The following ALMS1 variants were observed in gnomAD, a reference collection of about 807,000 sequenced individuals.
ALMS1 encodes ALMS1 centrosome and basal body associated protein, also known as centrosome-associated protein ALMS1.
A neutral mutation model predicts 352.2 loss-of-function variants in ALMS1; 271 were observed. The observed-to-expected ratio is 0.77, with a 90% CI of 0.70 to 0.85. The LOEUF (loss-of-function observed/expected upper bound fraction) is 0.85, where lower values mean the gene tolerates loss of function less well. Ranked by LOEUF, ALMS1 falls within the 40% of genes least tolerant of loss-of-function variation. The pLI, the probability that ALMS1 is intolerant of heterozygous loss-of-function variation, is 0.00. For missense variants in ALMS1, 5,445 were observed against 4,870.7 expected (o/e 1.12, Z -3.51); for synonymous variants, 1,865 against 1,761.2 (o/e 1.06, Z -1.48).
At chr2:73,432,431 T>TAAAGAGAC in intron 7 of ALMS1, 140 bp downstream of exon 7, 1 of 634,638 alleles carries the variant, frequency 1.6e-6, no homozygotes, top group Non-Finnish European at 2.8e-6. Flanking sequence ...AAATCCTGTC[T>TAAAGAGAC]TAGTCTCTTT....
At chr2:73,439,345 C>G (rs573622994) in intron 7 of ALMS1, among the ~76,000 whole-genome samples, 1 of 151,792 alleles carries the variant, frequency 6.6e-6, no homozygotes, top group Non-Finnish European at 1.5e-5. Context: ...CAGCTCCTGG[C>G]CTTTCAAAGC....
chr2:73,522,034 C>T (rs1365524650), intron 11 of ALMS1, among the ~76,000 whole-genome samples: 1 of 149,746 alleles, frequency 6.7e-6, no homozygotes, highest in Non-Finnish European at 1.5e-5. Context: ...CTCTACCCCT[C>T]TCCAGTGCTT....
At chr2:73,439,525 A>T (rs1431609101) in intron 7 of ALMS1, among the ~76,000 whole-genome samples, 1 of 152,100 alleles carries the variant, frequency 6.6e-6, no homozygotes, top group African/African-American at 2.4e-5. Context: ...CTGTCTGCTA[A>T]TATCTGTATT....
chr2:73,587,859 T>C (rs1675343727), intron 16 of ALMS1, among the ~76,000 whole-genome samples: 1 of 152,150 alleles, frequency 6.6e-6, no homozygotes, highest in African/African-American at 2.4e-5. Flanking sequence ...ACCACAGAAA[T>C]ACAAAAGATC....
intron 4 of ALMS1, among the ~76,000 whole-genome samples, chr2:73,423,899 T>G (rs557935581): frequency 1.2e-4 from 18 of 152,220 alleles, no homozygotes; most frequent in African/African-American, 4.3e-4. Context: ...TGCCTTAGCC[T>G]CCACAGCAGC....
intron 7 of ALMS1, among the ~76,000 whole-genome samples, chr2:73,443,964 A>AT (rs917499769): frequency 1.3e-5 from 2 of 151,932 alleles, no homozygotes; most frequent in African/African-American, 4.8e-5. Flanking sequence ...GTCTTTCTTT[A>AT]TGTTTTTTGG....
chr2:73,388,300 G>T (rs1319973490), intron 1 of ALMS1, among the ~76,000 whole-genome samples: 1 of 152,214 alleles, frequency 6.6e-6, no homozygotes, highest in Admixed American at 6.5e-5. Flanking sequence ...AGATTTGGGG[G>T]TACATATGCA....
At chr2:73,455,405 C>G in intron 9 of ALMS1, 110 bp downstream of exon 9, 1 of 1,446,408 alleles carries the variant, frequency 6.9e-7, no homozygotes, top group South Asian at 1.2e-5. Context: ...TGGCTAAAGC[C>G]TTTTTTGGTT....
In ALMS1 at chr2:73,600,844, C is replaced by T. The variant is rs780360247; in HGVS notation, c.11835C>T (p.Asp3945=). 5.0e-6 allele frequency: 8 copies of T among 1,614,110 alleles called. No homozygotes were observed. The highest frequency in any genetic ancestry group is 6.8e-6 in the Non-Finnish European group (8 of 1,180,002). The change falls in exon 18 of 23, where the codon GAC becomes GAT. Residue 3945 remains aspartate, a synonymous_variant. Transcript: ENST00000613296. ...TGCTCTTTACCGGTTATCCTGAGGA[C>T]AGAAAGTTAAAAAAGAACAAGAAGA... The part of the protein sequence containing the change: ...EKMLFTGYPE[D]RKLKKNKKNS...
chr2:73,408,864 C>CTT (rs58686365), intron 2 of ALMS1, 117 bp downstream of exon 2: 3,638 of 187,500 alleles, frequency 0.019, 104 homozygotes, highest in South Asian at 0.029. Context: ...GTTTTCTTGT[C>CTT]TTTTTTTTTT....
intron 1 of ALMS1, among the ~76,000 whole-genome samples, chr2:73,394,516 A>G (rs547857490): frequency 5.8e-4 from 88 of 151,970 alleles, no homozygotes; most frequent in Admixed American, 1.4e-3. Flanking sequence ...TCCCTGGTTT[A>G]TTTTTGTATT....
At chr2:73,601,585 G>A (rs1675690334) in intron 19 of ALMS1, 149 bp downstream of exon 19, 7 of 1,297,474 alleles carry the variant, frequency 5.4e-6, no homozygotes, top group African/African-American at 1.5e-5. Flanking sequence ...TTTCACGCAC[G>A]AGGGTTGGGT....
intron 16 of ALMS1, chr2:73,573,672 A>T (rs571291869): frequency 1.6e-6 from 1 of 622,014 alleles, no homozygotes; most frequent in Admixed American, 2.6e-5. Context: ...ACAGTCTGCA[A>T]AGTTTACCCC....
Position 73,521,235 on chromosome 2 carries a change from T to TA in ALMS1, c.9781+1225dup, listed in dbSNP as rs552932575. 7.0e-4 allele frequency among the ~76,000 whole-genome samples: 106 copies of TA among 152,168 alleles called. 1 individual carries two copies. The highest frequency in any genetic ancestry group is 9.6e-4 in the Non-Finnish European group (65 of 68,032). On this transcript the variant is annotated intron_variant, in intron 11 of 22. Coordinates refer to ENST00000613296, the MANE Select transcript of ALMS1 (RefSeq NM_001378454.1). ...CAGTGGTACAGTATAACAAACAACC[T>TA]AAAAAATCTCTATGGTTTATAACAG...
chr2:73,455,241 A>T lies in ALMS1; in HGVS notation c.7620A>T (p.Val2540=). The T allele has an allele frequency of 6.2e-7, 1 of 1,614,158 alleles. No homozygotes were observed. The highest frequency in any genetic ancestry group is 8.5e-7 in the Non-Finnish European group (1 of 1,179,996). The part of the protein sequence containing the change: ...SELNEDDRRK[V]EEIKAELFGH... ...TAAATGAAGATGACAGGAGGAAAGTAGAAGAGATCAAGGCAGAGTTATTTG... is the reference window on the plus strand; with the variant it reads ...TAAATGAAGATGACAGGAGGAAAGTTGAAGAGATCAAGGCAGAGTTATTTG... The change falls in exon 9 of 23, where the codon GTA becomes GTT. Residue 2540 remains valine, a synonymous_variant. Coordinates refer to ENST00000613296, the MANE Select transcript of ALMS1 (RefSeq NM_001378454.1).
intron 16 of ALMS1, among the ~76,000 whole-genome samples, chr2:73,579,834 A>G (rs753327771): frequency 6.6e-6 from 1 of 152,158 alleles, no homozygotes; most frequent in Non-Finnish European, 1.5e-5. Flanking sequence ...CATTTTCATT[A>G]TAACATGTCT....
intron 10 of ALMS1, among the ~76,000 whole-genome samples, chr2:73,510,314 C>T (rs899577545): frequency 1.3e-5 from 2 of 152,136 alleles, no homozygotes; most frequent in African/African-American, 4.8e-5. Flanking sequence ...GAATTTTCAG[C>T]CTTTTTGCAC....
intron 10 of ALMS1, among the ~76,000 whole-genome samples, chr2:73,511,158 G>A (rs1673444135): frequency 6.6e-6 from 1 of 152,150 alleles, no homozygotes; most frequent in Non-Finnish European, 1.5e-5. Flanking sequence ...TAGACCACTT[G>A]CCTTCCTGGC....
intron 3 of ALMS1, 31 bp from the exon 4 acceptor site, chr2:73,422,826 T>C (rs769308477): frequency 6.5e-7 from 1 of 1,533,178 alleles, no homozygotes; most frequent in South Asian, 1.1e-5. Flanking sequence ...TTTTCAGCAT[T>C]ACCCAGCATT....
Sources: gnomAD v4.1 joint callset for allele counts (sites outside exome capture counted in the v4.1 genomes callset) on GRCh38, gnomAD v4.1.1 for gene constraint, MANE v1.5 for transcripts, NCBI Gene and HGNC (gene_info 2026-07-23, HGNC 2026-07-21) for gene names.